Variants in GRID2 observed in about 807,000 individuals in gnomAD.
The protein encoded by GRID2 is glutamate receptor ionotropic, delta-2.
Under a neutral mutation model 114.8 loss-of-function variants are expected in GRID2, and 33 were observed. The ratio of observed to expected loss-of-function variants is 0.29; its 90% CI spans 0.22 to 0.38. The LOEUF (loss-of-function observed/expected upper bound fraction) is 0.38, where lower values mean the gene tolerates loss of function less well. Among genes scored for constraint, GRID2 ranks in the 10% least tolerant of loss-of-function variants. GRID2 has a pLI of 1.00. For synonymous variants in GRID2, 505 were observed against 449.9 expected, an observed-to-expected ratio of 1.12 and a Z score of -1.55; for missense variants, 1,184 against 1,257.7, an observed-to-expected ratio of 0.94 and a Z score of 0.89.
intron 8 of GRID2, among the ~76,000 whole-genome samples, chr4:93,325,991 A>G (rs2149218235): frequency 6.6e-6 from 1 of 152,282 alleles, no homozygotes; most frequent in Admixed American, 6.5e-5. Context: ...TTAACTGGGT[A>G]ATCTTAAAAC....
intron 1 of GRID2, among the ~76,000 whole-genome samples, chr4:92,363,454 G>A (rs1728709260): frequency 2.0e-5 from 3 of 151,868 alleles, no homozygotes; most frequent in Non-Finnish European, 4.4e-5. Flanking sequence ...CTATTAAGGA[G>A]GACATGTTTG....
chr4:93,534,048 G>C (rs1731773282), intron 13 of GRID2, among the ~76,000 whole-genome samples: 1 of 151,974 alleles, frequency 6.6e-6, no homozygotes, highest in African/African-American at 2.4e-5. Flanking sequence ...TTCACTGGCT[G>C]TTTTCTGTTC....
chr4:93,679,698 A>G (rs1293212584), intron 14 of GRID2, among the ~76,000 whole-genome samples: 1 of 151,202 alleles, frequency 6.6e-6, no homozygotes, highest in Non-Finnish European at 1.5e-5. Context: ...AACAAAATGA[A>G]GGCAGAAATA....
At chr4:92,700,863 G>A (rs1437906266) in intron 2 of GRID2, among the ~76,000 whole-genome samples, 1 of 152,062 alleles carries the variant, frequency 6.6e-6, no homozygotes, top group Non-Finnish European at 1.5e-5. Context: ...GAGGTGGCAG[G>A]CGCCTGTAGT....
In GRID2 at chr4:92,781,213, T is replaced by G. The variant is rs1578183359; in HGVS notation, c.244+190927T>G. 2.0e-5 allele frequency among the ~76,000 whole-genome samples: 3 copies of G among 152,132 alleles called. No homozygotes were observed. The South Asian group carries it at 6.2e-4, about 32-fold the overall frequency. On this transcript the variant is annotated intron_variant, in intron 2 of 15. Transcript: ENST00000282020. ...GTGAGCTGAGATCACACCACTGCAC[T>G]CCAGCCTGGGTGACAGAGCAAGACT...
intron 2 of GRID2, among the ~76,000 whole-genome samples, chr4:92,618,245 G>C (rs373179859): frequency 9.9e-5 from 15 of 151,760 alleles, no homozygotes; most frequent in African/African-American, 3.6e-4. Flanking sequence ...AGTTTTCCTA[G>C]CACCATTTAT....
At chr4:92,543,352 A>G (rs1293183406) in intron 1 of GRID2, among the ~76,000 whole-genome samples, 1 of 152,178 alleles carries the variant, frequency 6.6e-6, no homozygotes, top group Non-Finnish European at 1.5e-5. Context: ...TATTTTCACT[A>G]TAGCACATAA....
intron 2 of GRID2, among the ~76,000 whole-genome samples, chr4:92,994,527 T>G (rs1298107140): frequency 1.3e-5 from 2 of 152,100 alleles, no homozygotes; most frequent in African/African-American, 2.4e-5. Flanking sequence ...TTTCACCATG[T>G]TGGCCAGGCT....
chr4:92,949,691 A>T (rs530368441), intron 2 of GRID2, among the ~76,000 whole-genome samples: 1 of 151,752 alleles, frequency 6.6e-6, no homozygotes, highest in African/African-American at 2.4e-5. Flanking sequence ...GGAGCACTCA[A>T]TGAGGTCAAA....
intron 4 of GRID2, among the ~76,000 whole-genome samples, chr4:93,146,387 G>T (rs1424716929): frequency 6.6e-6 from 1 of 152,150 alleles, no homozygotes; most frequent in Non-Finnish European, 1.5e-5. Context: ...AATGATGAAA[G>T]CGCATCCTGT....
intron 1 of GRID2, among the ~76,000 whole-genome samples, chr4:92,381,829 C>A (rs569108760): frequency 3.9e-4 from 59 of 151,880 alleles, no homozygotes; most frequent in African/African-American, 4.3e-4. Flanking sequence ...TTACATCTAC[C>A]CTGTGGTTTT....
At chr4:92,656,397 C>G (rs1732237487) in intron 2 of GRID2, among the ~76,000 whole-genome samples, 1 of 151,400 alleles carries the variant, frequency 6.6e-6, no homozygotes, top group African/African-American at 2.4e-5. Flanking sequence ...AAAGGTCTAA[C>G]TCACAAAGTT....
At chr4:92,308,525 A>G (rs1291078338) in intron 1 of GRID2, among the ~76,000 whole-genome samples, 2 of 152,162 alleles carry the variant, frequency 1.3e-5, no homozygotes, top group South Asian at 2.1e-4. Context: ...CTGTGATATT[A>G]TATTTGAGAA....
intron 1 of GRID2, among the ~76,000 whole-genome samples, chr4:92,540,911 A>T (rs1725908643): frequency 6.6e-6 from 1 of 152,230 alleles, no homozygotes; most frequent in African/African-American, 2.4e-5. Context: ...CAACAATGAT[A>T]GACTGGATTA....
intron 1 of GRID2, among the ~76,000 whole-genome samples, chr4:92,458,001 T>C (rs1183771808): frequency 1.3e-5 from 2 of 152,164 alleles, no homozygotes; most frequent in Non-Finnish European, 2.9e-5. Flanking sequence ...GTTTATGACA[T>C]AAAGGGAAGT....
chr4:93,015,294 ATCTTGAGAAAGCAATGT>A (rs1385615839), intron 2 of GRID2, among the ~76,000 whole-genome samples: 3 of 152,132 alleles, frequency 2.0e-5, no homozygotes, highest in Non-Finnish European at 4.4e-5. Flanking sequence ...GAGAGAGACA[ATCTTGAGAAAGCAATGT>A]TCTGAAGTCA....
chr4:93,473,530 A>G (rs1029992758), intron 11 of GRID2, among the ~76,000 whole-genome samples: 2 of 152,174 alleles, frequency 1.3e-5, no homozygotes, highest in Non-Finnish European at 2.9e-5. Flanking sequence ...CTACTTGGAC[A>G]TAAAACATGA....
rs992405908 is a variant in GRID2 at position 93,395,776 on chromosome 4, T to C, written c.1347+68T>C. The C allele has an allele frequency of 1.1e-5, 8 of 711,128 alleles. No individual in the cohort carries two copies. The Admixed American group carries it at 1.5e-4, about 13-fold the overall frequency. 44.1% of individuals were successfully genotyped at this position (711,128 alleles called of 1,614,324 possible). A position where few individuals can be genotyped will look rare whatever the true frequency, so the allele number is the denominator to read the frequency against. On this transcript the variant is annotated intron_variant, in intron 9 of 15. Coordinates refer to ENST00000282020, the MANE Select transcript of GRID2 (RefSeq NM_001510.4). ...ACTTTATCCTATATTTCTTTCTTTA[T>C]TAACTGATGACATAATCTTAAAAGA...
At chr4:93,673,053 T>C (rs1424656680) in intron 14 of GRID2, among the ~76,000 whole-genome samples, 2 of 152,172 alleles carry the variant, frequency 1.3e-5, no homozygotes, top group Non-Finnish European at 2.9e-5. Context: ...TCAGCCCTGA[T>C]GAGAAATGGG....
Sources: allele counts gnomAD v4.1 joint callset (sites outside exome capture counted in the v4.1 genomes callset), GRCh38; gene constraint gnomAD v4.1.1; transcripts MANE v1.5; gene names NCBI Gene and HGNC (gene_info 2026-07-23, HGNC 2026-07-21).